Variants in ARHGAP15 observed in about 807,000 individuals in gnomAD.
ARHGAP15 encodes the protein rho GTPase-activating protein 15.
A neutral mutation model predicts 63.7 loss-of-function variants in ARHGAP15; 51 were observed. The observed-to-expected ratio is 0.80, with a 90% confidence interval of 0.64 to 1.01. The LOEUF (loss-of-function observed/expected upper bound fraction) is 1.01, where lower values mean the gene tolerates loss of function less well. Among genes scored for constraint, ARHGAP15 ranks in the 50% least tolerant of loss-of-function variants. The probability of loss-of-function intolerance (pLI) is 0.00; values close to 1 mark genes in which losing one functional copy is unlikely to be tolerated. For synonymous variants in ARHGAP15, 191 were observed against 193.8 expected (o/e 0.99, Z 0.12); for missense variants, 560 against 564.6 (o/e 0.99, Z 0.08).
chr2:143,699,676 C>G (rs1260571096), intron 12 of ARHGAP15, among the ~76,000 whole-genome samples: 1 of 152,138 alleles, frequency 6.6e-6, no homozygotes, highest in Non-Finnish European at 1.5e-5. Flanking sequence ...GGCACCAACT[C>G]AGTTCATGAA....
chr2:143,417,701 G>A (rs1164628346), intron 6 of ARHGAP15, among the ~76,000 whole-genome samples: 7 of 152,162 alleles, frequency 4.6e-5, no homozygotes, highest in South Asian at 2.1e-4. Context: ...CAACTTGAGC[G>A]ATACTGTCTC....
chr2:143,295,995 G>A (rs543617423), intron 6 of ARHGAP15, among the ~76,000 whole-genome samples: 2 of 152,076 alleles, frequency 1.3e-5, no homozygotes, highest in South Asian at 2.1e-4. Flanking sequence ...GGGCCTCTAC[G>A]GCTTGTTACA....
intron 6 of ARHGAP15, among the ~76,000 whole-genome samples, chr2:143,259,014 T>G (rs1210097536): frequency 7.0e-6 from 1 of 142,768 alleles, no homozygotes; most frequent in East Asian, 2.1e-4. Context: ...AGACCTTGAT[T>G]GTGGTCTTTT....
chr2:143,271,760 G>C (rs1378682438), intron 6 of ARHGAP15, among the ~76,000 whole-genome samples: 1 of 152,184 alleles, frequency 6.6e-6, no homozygotes. Context: ...ACAGGCATGA[G>C]CCACCGTGCC....
At chr2:143,667,605 AAAAG>A (rs2064878355) in intron 12 of ARHGAP15, among the ~76,000 whole-genome samples, 2 of 144,332 alleles carry the variant, frequency 1.4e-5, no homozygotes, top group African/African-American at 5.2e-5. Flanking sequence ...AAAAAAAAAG[AAAAG>A]AAGTGCTCAA....
At chr2:143,698,442 T>A (rs1407141301) in intron 12 of ARHGAP15, among the ~76,000 whole-genome samples, 1 of 152,228 alleles carries the variant, frequency 6.6e-6, no homozygotes, top group Non-Finnish European at 1.5e-5. Flanking sequence ...CACATTCTTA[T>A]CATAACATTA....
At chr2:143,285,931 C>G (rs2105099362) in intron 6 of ARHGAP15, among the ~76,000 whole-genome samples, 1 of 152,038 alleles carries the variant, frequency 6.6e-6, no homozygotes, top group South Asian at 2.1e-4. Flanking sequence ...AATTTTACAT[C>G]CGTACAATAT....
At chr2:143,682,322 T>C (rs1168173867) in intron 12 of ARHGAP15, among the ~76,000 whole-genome samples, 1 of 151,966 alleles carries the variant, frequency 6.6e-6, no homozygotes, top group African/African-American at 2.4e-5. Context: ...TTCCTTTTAT[T>C]GCAGGTTAAA....
rs565403556 is a variant in ARHGAP15 at position 143,561,596 on chromosome 2, A to C, written c.1003+5111A>C. Reference sequence around the variant, plus strand: ...AGTGGTGTGATCTCGGCTCACTGCAACCTCCACCTCCCGGGTTCAAGCGAT... The same window carrying C: ...AGTGGTGTGATCTCGGCTCACTGCACCCTCCACCTCCCGGGTTCAAGCGAT... On this transcript the variant is annotated intron_variant, in intron 11 of 13. Transcript: ENST00000295095. Among the ~76,000 whole-genome samples the C allele has an allele frequency of 2.2e-3, 318 of 147,786 alleles. 1 individual carries two copies. Among genetic ancestry groups the C allele is most frequent in the African/African-American group, 7.6e-3 (304 of 39,984 alleles).
intron 10 of ARHGAP15, among the ~76,000 whole-genome samples, chr2:143,541,165 G>T (rs369796675): frequency 6.6e-6 from 1 of 151,976 alleles, no homozygotes; most frequent in Non-Finnish European, 1.5e-5. Flanking sequence ...CCAGTTGATC[G>T]CATCGGTTAC....
At chr2:143,486,630 C>A (rs1241229702) in intron 8 of ARHGAP15, among the ~76,000 whole-genome samples, 1 of 151,976 alleles carries the variant, frequency 6.6e-6, no homozygotes, top group African/African-American at 2.4e-5. Context: ...TAATGAAAAC[C>A]CAGACCTCAT....
At chr2:143,551,002 A>G (rs1695538081) in intron 10 of ARHGAP15, among the ~76,000 whole-genome samples, 1 of 152,202 alleles carries the variant, frequency 6.6e-6, no homozygotes, top group African/African-American at 2.4e-5. Context: ...AAATTAACTC[A>G]ATGAAGAGAA....
At chr2:143,667,932 G>A (rs913804232) in intron 12 of ARHGAP15, among the ~76,000 whole-genome samples, 5 of 152,012 alleles carry the variant, frequency 3.3e-5, no homozygotes, top group African/African-American at 9.7e-5. Context: ...AGGCTGCAGC[G>A]AGCTATGTTT....
At chr2:143,256,458 C>T (rs1574162544) in intron 6 of ARHGAP15, among the ~76,000 whole-genome samples, 2 of 151,978 alleles carry the variant, frequency 1.3e-5, no homozygotes, top group Admixed American at 1.3e-4. Context: ...TTCTTAGTGG[C>T]ATTAATGTAA....
At chr2:143,674,427 T>C (rs1193335875) in intron 12 of ARHGAP15, among the ~76,000 whole-genome samples, 3 of 152,104 alleles carry the variant, frequency 2.0e-5, no homozygotes, top group Non-Finnish European at 4.4e-5. Flanking sequence ...ATAAGTGAAA[T>C]TAATCTATGA....
intron 12 of ARHGAP15, among the ~76,000 whole-genome samples, chr2:143,666,407 C>G (rs1246186774): frequency 6.6e-6 from 1 of 152,082 alleles, no homozygotes; most frequent in Admixed American, 6.6e-5. Flanking sequence ...ACACCTTATA[C>G]AAAAATCAAT....
At chr2:143,261,407 T>C (rs576693945) in intron 6 of ARHGAP15, among the ~76,000 whole-genome samples, 206 of 149,788 alleles carry the variant, frequency 1.4e-3, no homozygotes, top group Middle Eastern at 0.014. Flanking sequence ...GGCACCGTGT[T>C]GGTTCACTGC....
chr2:143,411,808 C>T (rs760593459), intron 6 of ARHGAP15, among the ~76,000 whole-genome samples: 5 of 152,024 alleles, frequency 3.3e-5, no homozygotes, highest in African/African-American at 4.8e-5. Flanking sequence ...TAAGAAAAAT[C>T]GAGAAAGTAA....
rs145188877 is a variant in ARHGAP15 at position 143,765,214 on chromosome 2, G to A, written c.1245-2775G>A. ...TTTAAAACCAAATTGGGAAAAACCT[G>A]CATTGCCTGTATTGTGAGTCTTACT... is the stretch of plus-strand genomic sequence containing the variant. On this transcript the variant is annotated intron_variant, in intron 13 of 13. Transcript: ENST00000295095. 1.8e-4 allele frequency among the ~76,000 whole-genome samples: 27 copies of A among 151,792 alleles called. 1 individual carries two copies. The East Asian group carries it at 5.2e-3, about 29-fold the overall frequency.
Sources: allele counts gnomAD v4.1 joint callset (sites outside exome capture counted in the v4.1 genomes callset), GRCh38; gene constraint gnomAD v4.1.1; transcripts MANE v1.5; gene names NCBI Gene and HGNC (gene_info 2026-07-23, HGNC 2026-07-21).